Variants in MKX observed in about 807,000 individuals in gnomAD.
The protein encoded by MKX is homeobox protein Mohawk.
A neutral mutation model predicts 36.0 loss-of-function variants in MKX; 13 were observed. The ratio of observed to expected loss-of-function variants is 0.36; its 90% CI spans 0.24 to 0.57. The LOEUF is 0.57. MKX is among the 20% of genes least tolerant of loss of function. The probability of loss-of-function intolerance (pLI) is 0.79; values close to 1 mark genes in which losing one functional copy is unlikely to be tolerated. For synonymous variants in MKX, 176 were observed against 178.3 expected, an observed-to-expected ratio of 0.99 and a Z score of 0.10; for missense variants, 458 against 456.4, an observed-to-expected ratio of 1.00 and a Z score of -0.03.
chr10:27,712,916 G>A (rs1187397405), intron 5 of MKX, among the ~76,000 whole-genome samples: 1 of 152,062 alleles, frequency 6.6e-6, no homozygotes, highest in African/African-American at 2.4e-5. Flanking sequence ...CAGCCTGGAT[G>A]ACAGAGCAAG....
intron 5 of MKX, among the ~76,000 whole-genome samples, chr10:27,729,186 CA>C (rs1161884394): frequency 2.0e-5 from 3 of 150,598 alleles, no homozygotes; most frequent in Non-Finnish European, 4.4e-5. Context: ...GAGAGTGTAA[CA>C]AAATGAAGTT....
At chr10:27,737,028 T>A (rs1161327780) in intron 3 of MKX, among the ~76,000 whole-genome samples, 1 of 152,170 alleles carries the variant, frequency 6.6e-6, no homozygotes, top group East Asian at 1.9e-4. Context: ...ACTTTAGCCA[T>A]GGTGTTAAGT....
intron 5 of MKX, among the ~76,000 whole-genome samples, chr10:27,685,365 C>T (rs1836323319): frequency 6.6e-6 from 1 of 151,812 alleles, no homozygotes; most frequent in African/African-American, 2.4e-5. Context: ...TATGTAATAT[C>T]AAGGAATCTG....
rs770348215 is a variant in MKX at position 27,734,515 on chromosome 10, T to C, written c.779A>G (p.Glu260Gly). The C allele has an allele frequency of 6.2e-7, 1 of 1,614,230 alleles. No homozygotes were observed. Among genetic ancestry groups the C allele is most frequent in the Non-Finnish European group, 8.5e-7 (1 of 1,180,030 alleles). The part of the protein sequence containing the change: ...HSGSFSSNEF[E>G]EELVSPSSSE... ...TGACGATGGAGACACTAATTCTTCC[T>C]CAAATTCATTGGAGCTAAAAGATCC... The change falls in exon 5 of 7, where the codon GAG becomes GGG. Residue 260 changes from glutamate (E) to glycine (G), a missense_variant. Glu to Gly is a moderately conservative substitution (Grantham distance 98). Around this residue, in one of 3 missense-constraint regions of MKX, gnomAD observed 297 missense variants for 304.4 expected, o/e 0.98. Transcript: ENST00000419761.
intron 5 of MKX, among the ~76,000 whole-genome samples, chr10:27,694,354 A>C (rs1485052433): frequency 2.6e-5 from 4 of 151,874 alleles, no homozygotes; most frequent in African/African-American, 9.7e-5. Context: ...TTGGTTTTGG[A>C]ATATACTACA....
chr10:27,673,071 T>A lies in MKX; in HGVS notation c.*2158A>T, dbSNP rs571544996. ...TTTTAAAGGACTGGGGGGATTTTAA[T>A]ATCCAGAAAATGTTAAAGCAGCAAA... On this transcript the variant is annotated 3_prime_UTR_variant, in exon 7 of 7. Coordinates refer to ENST00000419761, the MANE Select transcript of MKX (RefSeq NM_173576.3). 1.3e-5 allele frequency: 2 copies of A among 152,194 alleles called. No homozygotes were observed. Among genetic ancestry groups the A allele is most frequent in the Admixed American group, 1.3e-4 (2 of 15,274 alleles). The allele number at this position is 152,194 out of a possible 1,614,324, so 9.4% of individuals were successfully genotyped here.
intron 5 of MKX, among the ~76,000 whole-genome samples, chr10:27,711,435 CTT>C (rs1836852607): frequency 1.7e-5 from 1 of 57,342 alleles, no homozygotes; most frequent in Non-Finnish European, 3.1e-5. Context: ...TTTTCTCTTT[CTT>C]TCTTTCTTTC....
intron 5 of MKX, among the ~76,000 whole-genome samples, chr10:27,709,874 G>C (rs1166156520): frequency 6.6e-6 from 1 of 152,084 alleles, no homozygotes; most frequent in Admixed American, 6.6e-5. Context: ...TGTTCTAGTA[G>C]ATGCACTTAC....
chr10:27,678,969 A>G (rs189686096), intron 5 of MKX, among the ~76,000 whole-genome samples: 198 of 152,274 alleles, frequency 1.3e-3, no homozygotes, highest in African/African-American at 4.5e-3. Flanking sequence ...GGGTTTTACA[A>G]ATCTCAGCAA....
rs547482819 is a variant in MKX at position 27,689,536 on chromosome 10, G to A, written c.839-13982C>T. Reference sequence around the variant, plus strand: ...GAAGGTATACTTTGAAATGAAAATTGGGAAGATTTCTGCTGATGGTATCGA... The same window carrying A: ...GAAGGTATACTTTGAAATGAAAATTAGGAAGATTTCTGCTGATGGTATCGA... On this transcript the variant is annotated intron_variant, in intron 5 of 6. Transcript: ENST00000419761. 2.6e-5 allele frequency among the ~76,000 whole-genome samples: 4 copies of A among 152,178 alleles called. No homozygotes were observed. In the South Asian group the frequency reaches 8.3e-4, roughly 32 times the overall value.
rs375078885 is a variant in MKX, at chr10:27,682,629, G to A, written c.839-7075C>T. The stretch of plus-strand genomic sequence containing the variant: ...TCCCACGGACCAGGGATGGGGGTGC[G>A]TTTCAGGATAAAACAGTTCCACCTC... On this transcript the variant is annotated intron_variant, in intron 5 of 6. Coordinates refer to ENST00000419761, the MANE Select transcript of MKX (RefSeq NM_173576.3). Among the ~76,000 whole-genome samples the A allele has an allele frequency of 7.9e-5, 12 of 152,212 alleles. No individual in the cohort carries two copies. The South Asian group carries it at 1.5e-3, about 18-fold the overall frequency.
At chr10:27,720,893 G>A (rs906456113) in intron 5 of MKX, among the ~76,000 whole-genome samples, 5 of 151,920 alleles carry the variant, frequency 3.3e-5, no homozygotes, top group African/African-American at 1.2e-4. Flanking sequence ...CTAGATATAA[G>A]AAAAATATAC....
intron 5 of MKX, among the ~76,000 whole-genome samples, chr10:27,714,852 T>C (rs141687513): frequency 6.9e-4 from 105 of 152,354 alleles, no homozygotes; most frequent in Non-Finnish European, 1.2e-3. Flanking sequence ...ATGTATCTAT[T>C]CTGAAAATCA....
At chr10:27,679,229 CCTG>C (rs1836209111) in intron 5 of MKX, among the ~76,000 whole-genome samples, 1 of 152,116 alleles carries the variant, frequency 6.6e-6, no homozygotes, top group Non-Finnish European at 1.5e-5. Context: ...ATGTAACAAA[CCTG>C]CACGTTGTGC....
chr10:27,684,462 G>A (rs1836307956), intron 5 of MKX, among the ~76,000 whole-genome samples: 1 of 152,080 alleles, frequency 6.6e-6, no homozygotes, highest in Non-Finnish European at 1.5e-5. Flanking sequence ...GGGGCAATCA[G>A]GGATAACTAA....
At chr10:27,678,162 T>C (rs1031305078) in intron 5 of MKX, among the ~76,000 whole-genome samples, 3 of 152,210 alleles carry the variant, frequency 2.0e-5, no homozygotes, top group Non-Finnish European at 4.4e-5. Context: ...AGTCATTTTT[T>C]ATTGAGTTCT....
chr10:27,706,689 A>C (rs1056696649), intron 5 of MKX, among the ~76,000 whole-genome samples: 3 of 152,042 alleles, frequency 2.0e-5, no homozygotes, highest in Non-Finnish European at 4.4e-5. Context: ...CTTATTAACT[A>C]TTTGTATATC....
At chr10:27,683,859 T>C (rs372289026) in intron 5 of MKX, among the ~76,000 whole-genome samples, 15 of 152,174 alleles carry the variant, frequency 9.9e-5, no homozygotes, top group African/African-American at 3.4e-4. Flanking sequence ...TGCAGTGCCT[T>C]ACCAAATGAC....
At chr10:27,715,192 T>G (rs200780304) in intron 5 of MKX, among the ~76,000 whole-genome samples, 11 of 76,516 alleles carry the variant, frequency 1.4e-4, no homozygotes, top group African/African-American at 3.4e-4. Flanking sequence ...GGAGAATTGC[T>G]GCAGGCAGAC....
Sources: gnomAD v4.1 joint callset for allele counts (sites outside exome capture counted in the v4.1 genomes callset) on GRCh38, gnomAD v4.1.1 for gene constraint, gnomAD v4.1.1 regional missense constraint, MANE v1.5 for transcripts, NCBI Gene and HGNC (gene_info 2026-07-23, HGNC 2026-07-21) for gene names.